The following DGKB variants were observed in gnomAD, a reference collection of about 807,000 sequenced individuals.
DGKB encodes diacylglycerol kinase beta.
A neutral mutation model predicts 114.3 loss-of-function variants in DGKB; 67 were observed. The ratio of observed to expected loss-of-function variants is 0.59; its 90% CI spans 0.48 to 0.72. The LOEUF (loss-of-function observed/expected upper bound fraction) is 0.72. Among genes scored for constraint, DGKB ranks in the 30% least tolerant of loss-of-function variants. The probability of loss-of-function intolerance (pLI) is 0.00; values close to 1 mark genes in which losing one functional copy is unlikely to be tolerated. For missense variants in DGKB, 907 were observed against 975.2 expected, an observed-to-expected ratio of 0.93 and a Z score of 0.93; for synonymous variants, 398 against 323.1, an observed-to-expected ratio of 1.23 and a Z score of -2.49.
chr7:14,464,447 T>C (rs889467386), intron 21 of DGKB, among the ~76,000 whole-genome samples: 2 of 152,144 alleles, frequency 1.3e-5, no homozygotes, highest in African/African-American at 4.8e-5. Flanking sequence ...TAAAAGAATA[T>C]GTATAAAGAA....
intron 21 of DGKB, among the ~76,000 whole-genome samples, chr7:14,447,066 T>G (rs1830819534): frequency 6.6e-6 from 1 of 152,178 alleles, no homozygotes; most frequent in South Asian, 2.1e-4. Context: ...CATTGTAGTT[T>G]TGGCAAACCC....
intron 13 of DGKB, among the ~76,000 whole-genome samples, chr7:14,657,700 C>A (rs1295947980): frequency 1.2e-4 from 18 of 151,828 alleles, no homozygotes; most frequent in Admixed American, 1.2e-3. Context: ...TATGTTCACA[C>A]CTCCCCACCA....
intron 1 of DGKB, among the ~76,000 whole-genome samples, chr7:14,932,965 T>C (rs1785102260): frequency 6.6e-6 from 1 of 152,196 alleles, no homozygotes; most frequent in Non-Finnish European, 1.5e-5. Context: ...GAGCTGCTAC[T>C]GTCTGCTGAA....
chr7:14,485,788 G>A (rs1199619043), intron 20 of DGKB, among the ~76,000 whole-genome samples: 2 of 151,920 alleles, frequency 1.3e-5, no homozygotes, highest in Middle Eastern at 3.4e-3. Flanking sequence ...GCTACTGGGA[G>A]GCTGAGGCAG....
intron 21 of DGKB, among the ~76,000 whole-genome samples, chr7:14,406,012 C>G (rs1823876966): frequency 6.6e-6 from 1 of 151,842 alleles, no homozygotes; most frequent in African/African-American, 2.4e-5. Flanking sequence ...TACCAGAGCC[C>G]AGGGGTGGAG....
chr7:14,643,800 G>T (rs943086077), intron 13 of DGKB, among the ~76,000 whole-genome samples: 1 of 152,126 alleles, frequency 6.6e-6, no homozygotes, highest in Non-Finnish European at 1.5e-5. Context: ...TTTAACTGGG[G>T]TCCACTGCCA....
At chr7:14,891,905 G>A (rs1781294544) in intron 1 of DGKB, among the ~76,000 whole-genome samples, 1 of 151,274 alleles carries the variant, frequency 6.6e-6, no homozygotes, top group Non-Finnish European at 1.5e-5. Flanking sequence ...GACTTATTAT[G>A]ACACCAGTTT....
chr7:14,782,572 C>T (rs902358515), intron 2 of DGKB, among the ~76,000 whole-genome samples: 5 of 151,434 alleles, frequency 3.3e-5, no homozygotes, highest in Non-Finnish European at 7.4e-5. Flanking sequence ...AAATTCATGG[C>T]GAAGGGATCA....
chr7:14,749,873 C>T (rs191113779), intron 4 of DGKB, among the ~76,000 whole-genome samples: 131 of 152,160 alleles, frequency 8.6e-4, no homozygotes, highest in South Asian at 4.4e-3. Flanking sequence ...AGAAAATCTC[C>T]ACAGGGGGTT....
chr7:14,593,924 T>C (rs986833229), intron 17 of DGKB, among the ~76,000 whole-genome samples: 1 of 152,016 alleles, frequency 6.6e-6, no homozygotes, highest in Non-Finnish European at 1.5e-5. Flanking sequence ...TTTGACCCTG[T>C]AAGAAAAGTA....
chr7:14,774,182 T>C (rs1045156390), intron 2 of DGKB, among the ~76,000 whole-genome samples: 1 of 152,210 alleles, frequency 6.6e-6, no homozygotes, highest in Non-Finnish European at 1.5e-5. Flanking sequence ...CATTGTTGTT[T>C]CTCTAATGGG....
At chr7:14,742,103 A>G (rs946159704) in intron 4 of DGKB, among the ~76,000 whole-genome samples, 3 of 152,146 alleles carry the variant, frequency 2.0e-5, no homozygotes, top group African/African-American at 7.2e-5. Flanking sequence ...AATGTATTCC[A>G]TTTTTGGAGA....
intron 21 of DGKB, among the ~76,000 whole-genome samples, chr7:14,386,114 G>C (rs1369913087): frequency 6.6e-6 from 1 of 152,178 alleles, no homozygotes; most frequent in Non-Finnish European, 1.5e-5. Context: ...ATTTTGAAAA[G>C]ATAATTTCAC....
At chr7:14,690,239 T>C (rs1159336015) in intron 9 of DGKB, among the ~76,000 whole-genome samples, 1 of 152,086 alleles carries the variant, frequency 6.6e-6, no homozygotes, top group Non-Finnish European at 1.5e-5. Context: ...ACTGAAAGAG[T>C]ATTAGGAAAC....
chr7:14,733,445 G>A (rs1288621919), intron 5 of DGKB, among the ~76,000 whole-genome samples: 2 of 152,092 alleles, frequency 1.3e-5, no homozygotes, highest in Non-Finnish European at 2.9e-5. Context: ...TCAGCACTTC[G>A]GGAGGCTGAG....
chr7:14,873,039 G>A (rs1243576913), intron 1 of DGKB, among the ~76,000 whole-genome samples: 1 of 151,936 alleles, frequency 6.6e-6, no homozygotes, highest in Admixed American at 6.6e-5. Flanking sequence ...AAAGTAACCA[G>A]AAACGAAAAT....
intron 9 of DGKB, 22 bp from the exon 10 acceptor site, chr7:14,685,384 C>A (rs777041403): frequency 2.6e-6 from 4 of 1,527,618 alleles, no homozygotes; most frequent in Non-Finnish European, 3.6e-6. Context: ...GTAAGAGAAA[C>A]AGATTTCACT....
intron 25 of DGKB, among the ~76,000 whole-genome samples, chr7:14,158,834 A>C (rs1783433010): frequency 6.6e-6 from 1 of 152,144 alleles, no homozygotes; most frequent in Admixed American, 6.5e-5. Flanking sequence ...ATGATCCAGA[A>C]ACCCAGATCA....
At chr7:14,830,161 G>T (rs114241863) in intron 2 of DGKB, among the ~76,000 whole-genome samples, 263 of 151,746 alleles carry the variant, frequency 1.7e-3, no homozygotes, top group African/African-American at 5.9e-3. Flanking sequence ...AAAAAAAATT[G>T]TATGTGTTGA....
Sources: allele counts gnomAD v4.1 joint callset (sites outside exome capture counted in the v4.1 genomes callset), GRCh38; gene constraint gnomAD v4.1.1; transcripts MANE v1.5; gene names NCBI Gene and HGNC (gene_info 2026-07-23, HGNC 2026-07-21).